PARP4: variants seen among roughly 807,000 people sequenced by gnomAD.
PARP4 encodes protein mono-ADP-ribosyltransferase PARP4.
PARP4 carries 120 observed loss-of-function variants against 187.7 expected under a neutral mutation model. The observed-to-expected ratio is 0.64, with a 90% CI of 0.55 to 0.74. PARP4 has a LOEUF of 0.74. PARP4 is among the 30% of genes least tolerant of loss of function. The probability of loss-of-function intolerance (pLI) is 0.00; values close to 1 mark genes in which losing one functional copy is unlikely to be tolerated. For missense variants in PARP4, 1,836 were observed against 2,070.5 expected (o/e 0.89, Z 2.20); for synonymous variants, 654 against 740.9 (o/e 0.88, Z 1.90).
At chr13:24,423,289 C>T (rs986838301) in intron 33 of PARP4, among the ~76,000 whole-genome samples, 2 of 152,058 alleles carry the variant, frequency 1.3e-5, no homozygotes, top group African/African-American at 4.8e-5. Context: ...CTCCTGTAAT[C>T]CCAGAACTTT....
intron 25 of PARP4, among the ~76,000 whole-genome samples, chr13:24,448,349 G>A (rs1410920902): frequency 2.0e-5 from 3 of 152,004 alleles, no homozygotes; most frequent in Non-Finnish European, 2.9e-5. Context: ...TTGAGGCTGT[G>A]GTGAGCTATG....
chr13:24,458,196 G>A (rs1425451378), intron 20 of PARP4, among the ~76,000 whole-genome samples: 3 of 150,002 alleles, frequency 2.0e-5, no homozygotes, highest in South Asian at 2.1e-4. Flanking sequence ...TGCAAGCTCC[G>A]CCTCCTGGGT....
At position 24,450,793 on chromosome 13, in the gene PARP4, G is replaced by A. The variant is rs537193923; in HGVS notation, c.3015-976C>T. Among the ~76,000 whole-genome samples, 6 of 152,290 alleles carry A rather than the reference G, an allele frequency of 3.9e-5. No homozygotes were observed. In the South Asian group the frequency reaches 1.0e-3, roughly 26 times the overall value. ...GATACCACCCCCTCCAGGCATGGGC[G>A]GTGCTAACTGGCAGAGTCTCCTCTT... On this transcript the variant is annotated intron_variant, in intron 24 of 33. Transcript: ENST00000381989.
chr13:24,434,291 T>C, intron 31 of PARP4, 104 bp downstream of exon 31: 1 of 1,111,140 alleles, frequency 9.0e-7, no homozygotes, highest in Non-Finnish European at 1.3e-6. Flanking sequence ...CTTCCTTCAC[T>C]ACAGACTGAT....
intron 33 of PARP4, among the ~76,000 whole-genome samples, chr13:24,425,547 G>A (rs748969271): frequency 0.38 from 47,178 of 125,680 alleles, 7,889 homozygotes; most frequent in African/African-American, 0.42. Context: ...GTGTGCATGT[G>A]TGTGTGTGTG....
rs766745835 is a variant in PARP4 at position 24,459,022 on chromosome 13, A to C, written c.2424+22T>G. The C allele has an allele frequency of 6.0e-6, 9 of 1,508,394 alleles. No homozygotes were observed. The East Asian group carries it at 2.0e-4, about 34-fold the overall frequency. The allele number at this position is 1,508,394 out of a possible 1,614,324, so 93.4% of individuals were successfully genotyped here. On this transcript the variant is annotated intron_variant, in intron 20 of 33. Coordinates refer to ENST00000381989, the MANE Select transcript of PARP4 (RefSeq NM_006437.4). Reference sequence around the variant, plus strand: ...AAGTAGTGTTAAAATAACAGCTCTTAAGAAATCAAAGATGCACTAACCTTT... The same window carrying C: ...AAGTAGTGTTAAAATAACAGCTCTTCAGAAATCAAAGATGCACTAACCTTT...
intron 14 of PARP4, among the ~76,000 whole-genome samples, 183 bp from the exon 15 acceptor site, chr13:24,475,779 G>A (rs1872953604): frequency 1.4e-5 from 2 of 138,154 alleles, no homozygotes; most frequent in East Asian, 2.3e-4. Context: ...AAAAATGAGA[G>A]GTGCCTTCTG....
At chr13:24,437,443 A>G (rs1388644480) in intron 30 of PARP4, among the ~76,000 whole-genome samples, 1 of 152,162 alleles carries the variant, frequency 6.6e-6, no homozygotes, top group Non-Finnish European at 1.5e-5. Flanking sequence ...CATGTGGAAT[A>G]CCGGGAAACA....
At chr13:24,451,634 C>A (rs930204150) in intron 24 of PARP4, among the ~76,000 whole-genome samples, 2 of 147,494 alleles carry the variant, frequency 1.4e-5, no homozygotes, top group Non-Finnish European at 3.0e-5. Flanking sequence ...CTGCTCCATG[C>A]ACTGCCACCA....
intron 12 of PARP4, among the ~76,000 whole-genome samples, chr13:24,481,157 T>C (rs1274129142): frequency 6.6e-6 from 1 of 152,254 alleles, no homozygotes; most frequent in African/African-American, 2.4e-5. Context: ...CGACAAAACC[T>C]GGATGACAGC....
Position 24,499,287 on chromosome 13 carries a change from A to T in PARP4, c.477+14T>A. 6.6e-7 allele frequency: 1 copy of T among 1,511,742 alleles called. No homozygotes were observed. The highest frequency in any genetic ancestry group is 8.8e-7 in the Non-Finnish European group (1 of 1,134,732). The allele number at this position is 1,511,742 out of a possible 1,614,324, so 93.6% of individuals were successfully genotyped here. On this transcript the variant is annotated intron_variant, in intron 5 of 33. Transcript: ENST00000381989. ...TTTTTTTTTTTTTTTGCTAACTAGA[A>T]ATCAGATTCTTACTTTCTCCAAGGT...
In PARP4 at chr13:24,455,140, TAATCACTTCGCTCTCACTGGCTAGGTC is replaced by T; in HGVS notation, c.2608_2634del (p.Asp870_Ile878del). On this transcript the variant is annotated inframe_deletion, in exon 22 of 34. Coordinates refer to ENST00000381989, the MANE Select transcript of PARP4 (RefSeq NM_006437.4). ...ATGGAACTGGAGCAGTCAAGACAAATAATCACTTCGCTCTCACTGGCTAGGTCAGGGAGGTCGACATCGAGATCGGGT... is the reference window on the plus strand; with the variant it reads ...ATGGAACTGGAGCAGTCAAGACAAATAGGGAGGTCGACATCGAGATCGGGT... 1 of 1,612,836 alleles carries T rather than the reference TAATCACTTCGCTCTCACTGGCTAGGTC, an allele frequency of 6.2e-7. No individual in the cohort carries two copies. The highest frequency in any genetic ancestry group is 8.5e-7 in the Non-Finnish European group (1 of 1,179,052).
chr13:24,432,851 C>G (rs368444262), intron 31 of PARP4, among the ~76,000 whole-genome samples: 1 of 152,116 alleles, frequency 6.6e-6, no homozygotes, highest in African/African-American at 2.4e-5. Flanking sequence ...TTAACCTCAA[C>G]GGAGACAGAA....
rs1439459889 is a variant in PARP4 at position 24,452,577 on chromosome 13, A to C, written c.2843T>G (p.Met948Arg). Residue 948 changes from methionine to arginine, a missense_variant, in exon 24 of 34, where the codon ATG (methionine) becomes AGG (arginine). Coordinates refer to ENST00000381989, the MANE Select transcript of PARP4 (RefSeq NM_006437.4). The part of the protein sequence containing the change: ...AEFIMSATPT[M>R]GNTDFWKTLR... ...TGTTTTCCAGAAGTCTGTGTTCCCCATGGTAGGTGTGGCAGACTGGAGGAA... is the reference window on the plus strand; with the variant it reads ...TGTTTTCCAGAAGTCTGTGTTCCCCCTGGTAGGTGTGGCAGACTGGAGGAA... The C allele has an allele frequency of 1.1e-5, 17 of 1,613,076 alleles. No individual in the cohort carries two copies. The highest frequency in any genetic ancestry group is 1.4e-5 in the Non-Finnish European group (17 of 1,179,506).
chr13:24,425,593 C>CTATATATA, intron 33 of PARP4, among the ~76,000 whole-genome samples: 1 of 118,268 alleles, frequency 8.5e-6, no homozygotes, highest in East Asian at 2.4e-4. Context: ...ATATCTATAT[C>CTATATATA]TATATCTATA....
chr13:24,466,089 T>A (rs1872453894), intron 17 of PARP4, among the ~76,000 whole-genome samples: 1 of 152,210 alleles, frequency 6.6e-6, no homozygotes, highest in South Asian at 2.1e-4. Context: ...ACATAAAACA[T>A]TTTATTTTAT....
intron 12 of PARP4, 39 bp downstream of exon 12, chr13:24,484,614 G>T: frequency 7.6e-7 from 1 of 1,315,728 alleles, no homozygotes; most frequent in Non-Finnish European, 1.1e-6. Context: ...TACACAGCAA[G>T]TATTCAGTAA....
chr13:24,462,665 G>GGAATACATAT (rs1872265218), intron 17 of PARP4, among the ~76,000 whole-genome samples: 1 of 152,146 alleles, frequency 6.6e-6, no homozygotes, highest in African/African-American at 2.4e-5. Flanking sequence ...GAAAAGGTGA[G>GGAATACATAT]GAATACATAT....
chr13:24,483,466 C>T (rs1873386451), intron 12 of PARP4, among the ~76,000 whole-genome samples: 1 of 114,854 alleles, frequency 8.7e-6, no homozygotes, highest in South Asian at 3.6e-4. Flanking sequence ...GCAGTCCGGC[C>T]TGGGCGACAG....
Sources: gnomAD v4.1 joint callset for allele counts (sites outside exome capture counted in the v4.1 genomes callset) on GRCh38, gnomAD v4.1.1 for gene constraint, MANE v1.5 for transcripts, NCBI Gene and HGNC (gene_info 2026-07-23, HGNC 2026-07-21) for gene names.